FRMD4A: variants seen among roughly 807,000 people sequenced by gnomAD.
FRMD4A encodes the protein FERM domain-containing protein 4A.
FRMD4A carries 29 observed loss-of-function variants against 129.1 expected under a neutral mutation model. The ratio of observed to expected loss-of-function variants is 0.22; its 90% CI spans 0.17 to 0.31. The LOEUF is 0.31. FRMD4A is among the 10% of genes least tolerant of loss of function. The pLI, the probability that FRMD4A is intolerant of heterozygous loss-of-function variation, is 1.00. For missense variants in FRMD4A, 1,272 were observed against 1,375.8 expected (o/e 0.92, Z 1.19); for synonymous variants, 634 against 571.6 (o/e 1.11, Z -1.56).
chr10:13,799,003 C>G (rs1200065727), intron 4 of FRMD4A, among the ~76,000 whole-genome samples: 1 of 152,160 alleles, frequency 6.6e-6, no homozygotes, highest in Admixed American at 6.5e-5. Flanking sequence ...CTCACGTCTC[C>G]GCTCCAGAAA....
intron 4 of FRMD4A, among the ~76,000 whole-genome samples, chr10:13,800,829 T>G (rs2093236999): frequency 6.6e-6 from 1 of 152,216 alleles, no homozygotes; most frequent in Non-Finnish European, 1.5e-5. Context: ...CTAGAAAACT[T>G]TATTCCCCAC....
chr10:13,700,180 T>C (rs1033920418), intron 14 of FRMD4A, among the ~76,000 whole-genome samples: 2 of 151,828 alleles, frequency 1.3e-5, no homozygotes, highest in African/African-American at 4.8e-5. Flanking sequence ...ATTCCTGAGC[T>C]CAAGTGATCC....
intron 2 of FRMD4A, among the ~76,000 whole-genome samples, chr10:13,969,664 A>G (rs2095506027): frequency 6.6e-6 from 1 of 152,170 alleles, no homozygotes; most frequent in Admixed American, 6.5e-5. Flanking sequence ...TAGCCTGGCC[A>G]ACGTAGTGAG....
chr10:13,786,412 C>G (rs570462473), intron 5 of FRMD4A, among the ~76,000 whole-genome samples: 3 of 152,282 alleles, frequency 2.0e-5, no homozygotes, highest in African/African-American at 7.2e-5. Context: ...CGAGACCAGC[C>G]TGGCCAACAT....
intron 2 of FRMD4A, among the ~76,000 whole-genome samples, chr10:14,207,912 A>C (rs746532657): frequency 2.6e-5 from 4 of 152,162 alleles, no homozygotes; most frequent in Non-Finnish European, 5.9e-5. Context: ...AATGAAACAA[A>C]ATTGTTGGCT....
intron 3 of FRMD4A, among the ~76,000 whole-genome samples, chr10:13,830,611 G>A (rs1017098434): frequency 2.0e-5 from 3 of 152,198 alleles, no homozygotes; most frequent in African/African-American, 7.2e-5. Context: ...AAGGCGACAC[G>A]TTAATGTAAC....
At chr10:13,811,124 T>G (rs903010493) in intron 3 of FRMD4A, among the ~76,000 whole-genome samples, 17 of 151,670 alleles carry the variant, frequency 1.1e-4, no homozygotes, top group Admixed American at 3.9e-4. Context: ...TTCTGTTTTG[T>G]TTCCTAGAAG....
intron 2 of FRMD4A, among the ~76,000 whole-genome samples, chr10:14,002,302 T>C (rs975642443): frequency 2.0e-5 from 3 of 152,238 alleles, no homozygotes; most frequent in African/African-American, 4.8e-5. Context: ...TTGAGTCTGA[T>C]TGGCTGTTCA....
At chr10:13,701,184 T>G (rs990842219) in intron 14 of FRMD4A, among the ~76,000 whole-genome samples, 156 bp downstream of exon 14, 1 of 152,026 alleles carries the variant, frequency 6.6e-6, no homozygotes, top group African/African-American at 2.4e-5. Flanking sequence ...GCTAGTCTCA[T>G]CCCTCCCATC....
intron 2 of FRMD4A, among the ~76,000 whole-genome samples, chr10:13,936,833 T>C (rs1292904903): frequency 6.6e-6 from 1 of 152,204 alleles, no homozygotes; most frequent in African/African-American, 2.4e-5. Flanking sequence ...GATTCTATAT[T>C]CTACATTGAT....
intron 13 of FRMD4A, among the ~76,000 whole-genome samples, chr10:13,706,616 T>C (rs1026254080): frequency 6.6e-6 from 1 of 152,206 alleles, no homozygotes; most frequent in African/African-American, 2.4e-5. Context: ...TGAAATACTT[T>C]TAGAAGCTCT....
intron 2 of FRMD4A, among the ~76,000 whole-genome samples, chr10:14,264,327 A>G (rs1010180577): frequency 6.6e-6 from 1 of 152,220 alleles, no homozygotes; most frequent in African/African-American, 2.4e-5. Flanking sequence ...AGCCCAGAAG[A>G]GGGTAGAAAA....
intron 3 of FRMD4A, among the ~76,000 whole-genome samples, chr10:13,817,219 C>G (rs546149294): frequency 6.6e-6 from 1 of 152,298 alleles, no homozygotes; most frequent in Admixed American, 6.5e-5. Context: ...AAGGAAAGCA[C>G]TGGTTCTAAA....
At chr10:13,743,075 A>G (rs1337443761) in intron 9 of FRMD4A, among the ~76,000 whole-genome samples, 1 of 152,190 alleles carries the variant, frequency 6.6e-6, no homozygotes. Flanking sequence ...AATACCCAGA[A>G]TGAGGACCAG....
chr10:13,780,008 T>C (rs1242296282), intron 6 of FRMD4A, among the ~76,000 whole-genome samples: 1 of 151,950 alleles, frequency 6.6e-6, no homozygotes, highest in African/African-American at 2.4e-5. Context: ...GGGTAGCCAG[T>C]GGAGTGGGTG....
intron 2 of FRMD4A, among the ~76,000 whole-genome samples, chr10:14,169,662 C>T (rs897405395): frequency 6.6e-6 from 1 of 152,156 alleles, no homozygotes; most frequent in Non-Finnish European, 1.5e-5. Flanking sequence ...AACACTATCT[C>T]AGAGGCCCCT....
chr10:13,860,607 GATC>G (rs2094281836), intron 2 of FRMD4A, among the ~76,000 whole-genome samples: 1 of 152,122 alleles, frequency 6.6e-6, no homozygotes, highest in East Asian at 1.9e-4. Flanking sequence ...GCTTTAAGCA[GATC>G]TAAAGAAAGG....
At chr10:13,720,709 G>A (rs758928505) in intron 12 of FRMD4A, among the ~76,000 whole-genome samples, 10 of 152,232 alleles carry the variant, frequency 6.6e-5, no homozygotes, top group Non-Finnish European at 8.8e-5. Flanking sequence ...CAGGGAAGGT[G>A]TTGGTGAAGT....
At chr10:13,829,144 C>G (rs993364755) in intron 3 of FRMD4A, among the ~76,000 whole-genome samples, 13 of 152,142 alleles carry the variant, frequency 8.5e-5, no homozygotes, top group African/African-American at 3.1e-4. Context: ...AAATGATGGC[C>G]TGGATGGATC....
Sources: allele counts gnomAD v4.1 joint callset (sites outside exome capture counted in the v4.1 genomes callset), GRCh38; gene constraint gnomAD v4.1.1; transcripts MANE v1.5; gene names NCBI Gene and HGNC (gene_info 2026-07-23, HGNC 2026-07-21).